The following ALK variants were observed in gnomAD, a reference collection of about 807,000 sequenced individuals.
ALK encodes the protein ALK tyrosine kinase receptor.
Under a neutral mutation model 163.1 loss-of-function variants are expected in ALK, and 74 were observed. The observed-to-expected ratio is 0.45, with a 90% CI of 0.38 to 0.55. The LOEUF is 0.55. Among genes scored for constraint, ALK ranks in the 20% least tolerant of loss-of-function variants. The pLI is 0.00. For synonymous variants in ALK, 960 were observed against 843.2 expected (o/e 1.14, Z -2.40); for missense variants, 2,063 against 2,105.3 (o/e 0.98, Z 0.39).
At chr2:29,252,186 C>T (rs1271189527) in intron 11 of ALK, among the ~76,000 whole-genome samples, 1 of 150,172 alleles carries the variant, frequency 6.7e-6, no homozygotes, top group African/African-American at 2.5e-5. Context: ...CCACCCCCCG[C>T]GGGCCATTTC....
chr2:29,860,170 C>T (rs1323734561), intron 1 of ALK, among the ~76,000 whole-genome samples: 1 of 152,156 alleles, frequency 6.6e-6, no homozygotes, highest in Non-Finnish European at 1.5e-5. Context: ...TGAGGCTTAT[C>T]CCAGGGGAAG....
chr2:29,350,394 T>A (rs1477739415), intron 5 of ALK, among the ~76,000 whole-genome samples: 6 of 152,182 alleles, frequency 3.9e-5, no homozygotes, highest in Admixed American at 2.0e-4. Context: ...CCCTTGGTGA[T>A]CCCTATGGCC....
chr2:29,436,665 C>T (rs1442582311), intron 4 of ALK, among the ~76,000 whole-genome samples: 1 of 152,164 alleles, frequency 6.6e-6, no homozygotes, highest in Non-Finnish European at 1.5e-5. Flanking sequence ...GCTGATAACT[C>T]TCTCTTAGCC....
chr2:29,787,751 G>A (rs144771856), intron 1 of ALK, among the ~76,000 whole-genome samples: 1 of 152,276 alleles, frequency 6.6e-6, no homozygotes, highest in African/African-American at 2.4e-5. Flanking sequence ...ATATTTAAGT[G>A]GTCCTCCAAG....
intron 1 of ALK, among the ~76,000 whole-genome samples, chr2:29,795,101 C>A (rs921305995): frequency 1.3e-5 from 2 of 151,962 alleles, no homozygotes; most frequent in Non-Finnish European, 2.9e-5. Context: ...AGGGTTAGTC[C>A]TGATATCATC....
intron 23 of ALK, among the ~76,000 whole-genome samples, chr2:29,219,233 C>T (rs1316629071): frequency 3.3e-5 from 5 of 152,148 alleles, no homozygotes; most frequent in Non-Finnish European, 5.9e-5. Context: ...CTCCCTGCTC[C>T]CTGCCCAGTC....
intron 12 of ALK, among the ~76,000 whole-genome samples, chr2:29,249,179 C>T (rs1664757393): frequency 6.6e-6 from 1 of 152,202 alleles, no homozygotes; most frequent in Non-Finnish European, 1.5e-5. Flanking sequence ...AATCCCCATT[C>T]AAGGGATCTC....
At chr2:29,716,996 C>CAA (rs34422584) in intron 2 of ALK, among the ~76,000 whole-genome samples, 3 of 6,002 alleles carry the variant, frequency 5.0e-4, no homozygotes, top group East Asian at 0.016. Flanking sequence ...ACCAAAAATC[C>CAA]AAAAAAAAAA....
At chr2:29,734,383 C>A (rs1033414689) in intron 1 of ALK, among the ~76,000 whole-genome samples, 1 of 151,968 alleles carries the variant, frequency 6.6e-6, no homozygotes, top group Non-Finnish European at 1.5e-5. Context: ...GCTCGGGGAC[C>A]ACAGGCCTAT....
intron 9 of ALK, among the ~76,000 whole-genome samples, chr2:29,285,773 G>A (rs1665839473): frequency 6.6e-6 from 1 of 150,894 alleles, no homozygotes; most frequent in Admixed American, 6.6e-5. Flanking sequence ...ATGTTGGCCA[G>A]GCTGGTCTTG....
rs560870456 is a variant in ALK, at chr2:29,418,894, C to A, written c.1155-35035G>T. ...TTGATCACTCATTCACTTATATATT[C>A]ATTCATCATTGAAAAATTATTTTTA... On this transcript the variant is annotated intron_variant, in intron 4 of 28. Transcript: ENST00000389048. Among the ~76,000 whole-genome samples the A allele has an allele frequency of 2.4e-4, 35 of 147,568 alleles. 1 individual carries two copies. The highest frequency in any genetic ancestry group is 1.2e-3 in the Admixed American group (18 of 15,072).
chr2:29,551,393 A>C (rs1673710002), intron 3 of ALK, among the ~76,000 whole-genome samples: 1 of 152,114 alleles, frequency 6.6e-6, no homozygotes, highest in African/African-American at 2.4e-5. Context: ...AGTACCAGAC[A>C]CTGTGCTTAT....
chr2:29,721,646 AAC>A (rs1679425648), intron 1 of ALK, among the ~76,000 whole-genome samples: 1 of 152,210 alleles, frequency 6.6e-6, no homozygotes, highest in Admixed American at 6.5e-5. Flanking sequence ...TGTAAAGGAT[AAC>A]AGTTTACTCT....
At chr2:29,767,433 C>T (rs945546078) in intron 1 of ALK, among the ~76,000 whole-genome samples, 3 of 152,190 alleles carry the variant, frequency 2.0e-5, no homozygotes, top group African/African-American at 4.8e-5. Context: ...TGAAAAATCT[C>T]ATGTCCCAGG....
intron 8 of ALK, among the ~76,000 whole-genome samples, chr2:29,298,329 AT>A (rs996397923): frequency 1.3e-4 from 20 of 151,596 alleles, no homozygotes; most frequent in Non-Finnish European, 1.6e-4. Context: ...GAATCTGTTA[AT>A]TTTTTTTTCT....
rs556998337 is a variant in ALK, at chr2:29,810,762, C to T, written c.668-93065G>A. ...TATACATTATGGATTGAATTGTGTACCCTCCAAATTTATAGCTTGAAGCCC... is the reference window on the plus strand; with the variant it reads ...TATACATTATGGATTGAATTGTGTATCCTCCAAATTTATAGCTTGAAGCCC... On this transcript the variant is annotated intron_variant, in intron 1 of 28. Coordinates refer to ENST00000389048, the MANE Select transcript of ALK (RefSeq NM_004304.5). Among the ~76,000 whole-genome samples, 4 of 152,136 alleles carry T rather than the reference C, an allele frequency of 2.6e-5. No individual in the cohort carries two copies. The East Asian group carries it at 7.7e-4, about 29-fold the overall frequency.
At chr2:29,914,054 T>A (rs1667771209) in intron 1 of ALK, among the ~76,000 whole-genome samples, 2 of 152,206 alleles carry the variant, frequency 1.3e-5, no homozygotes, top group African/African-American at 2.4e-5. Context: ...CATATTTTCA[T>A]AAAGTTAAGC....
chr2:29,361,766 T>A (rs1433190985), intron 5 of ALK, among the ~76,000 whole-genome samples: 1 of 152,222 alleles, frequency 6.6e-6, no homozygotes. Flanking sequence ...GTTGGCCACG[T>A]GATCCTTGTA....
intron 3 of ALK, among the ~76,000 whole-genome samples, chr2:29,641,972 C>T (rs1312343502): frequency 6.6e-6 from 1 of 152,176 alleles, no homozygotes. Context: ...ATCAAAAATT[C>T]ACCTCTTTGG....
Sources: allele counts gnomAD v4.1 joint callset (sites outside exome capture counted in the v4.1 genomes callset), GRCh38; gene constraint gnomAD v4.1.1; transcripts MANE v1.5; gene names NCBI Gene and HGNC (gene_info 2026-07-23, HGNC 2026-07-21).